The following ATP2A3 variants were observed in gnomAD, a reference collection of about 807,000 sequenced individuals.
ATP2A3 encodes sarcoplasmic/endoplasmic reticulum calcium ATPase 3.
Under a neutral mutation model 106.8 loss-of-function variants are expected in ATP2A3, and 61 were observed. That is an observed-to-expected ratio of 0.57 (90% CI 0.46 to 0.71). The LOEUF (loss-of-function observed/expected upper bound fraction) is 0.71. Among genes scored for constraint, ATP2A3 ranks in the 30% least tolerant of loss-of-function variants. ATP2A3 has a pLI of 0.00. For synonymous variants in ATP2A3, 611 were observed against 609.3 expected, an observed-to-expected ratio of 1.00 and a Z score of -0.04; for missense variants, 1,201 against 1,423.5, an observed-to-expected ratio of 0.84 and a Z score of 2.52.
In ATP2A3 at chr17:3,947,941, A is replaced by T; in HGVS notation, c.631-86T>A. ...TGACTCCTTCAGGCCGGAATAAGGC[A>T]CTTATCCTTCTACCCGGCTTTCCTT... is the stretch of plus-strand genomic sequence containing the variant. On this transcript the variant is annotated intron_variant, in intron 7 of 20. Coordinates refer to ENST00000397041, the MANE Select transcript of ATP2A3 (RefSeq NM_005173.4). The surrounding 1 kb of genome is among the most constrained non-coding windows in gnomAD (Gnocchi z 7.7). The T allele has an allele frequency of 7.5e-7, 1 of 1,328,530 alleles. No individual in the cohort carries two copies. Among genetic ancestry groups the T allele is most frequent in the South Asian group, 1.2e-5 (1 of 82,376 alleles). 82.3% of individuals were successfully genotyped at this position (1,328,530 alleles called of 1,614,324 possible). A position where few individuals can be genotyped will look rare whatever the true frequency, so the allele number is the denominator to read the frequency against.
chr17:3,947,320 G>T lies in ATP2A3; in HGVS notation c.1095+71C>A. ...TCCATCCCTCACTGAAAAGGAGGTG[G>T]GGGAGAGACCCAGAGAGGGAGCCCA... On this transcript the variant is annotated intron_variant, in intron 8 of 20. Coordinates refer to ENST00000397041, the MANE Select transcript of ATP2A3 (RefSeq NM_005173.4). The surrounding 1 kb of genome is among the most constrained non-coding windows in gnomAD (Gnocchi z 7.7). 1 of 1,555,962 alleles carries T rather than the reference G, an allele frequency of 6.4e-7. No homozygotes were observed.
At chr17:3,961,087 C>T (rs1040149116) in intron 1 of ATP2A3, among the ~76,000 whole-genome samples, 1 of 152,158 alleles carries the variant, frequency 6.6e-6, no homozygotes, top group South Asian at 2.1e-4. Context: ...AGCACTTATC[C>T]TCCTCCTGCT....
In ATP2A3 at chr17:3,953,138, C is replaced by G. The variant is rs983633121; in HGVS notation, c.219+209G>C. The stretch of plus-strand genomic sequence containing the variant: ...AGAGGATAAGATGGATTGGAGGGGT[C>G]AGGTGGGAGCCGGGGACCCAATGTA... On this transcript the variant is annotated intron_variant, in intron 3 of 20. Transcript: ENST00000397041. This position sits in a 1 kb window ranked among gnomAD's most constrained non-coding sequence, Gnocchi z 5.1. 19 of 615,570 alleles carry G rather than the reference C, an allele frequency of 3.1e-5. No homozygotes were observed. The Admixed American group carries it at 4.2e-4, about 14-fold the overall frequency. 38.1% of individuals were successfully genotyped at this position (615,570 alleles called of 1,614,324 possible).
rs145074847 is a variant in ATP2A3, at chr17:3,937,565, C to G, written c.2172G>C (p.Thr724=). 4.5e-5 allele frequency: 72 copies of G among 1,614,106 alleles called. No individual in the cohort carries two copies. In the South Asian group the frequency reaches 5.7e-4, roughly 13 times the overall value. The part of the protein sequence containing the change: ...AEIGIAMGSG[T]AVAKSAAEMV... ...TCTCTGCCGCCGACTTGGCCACGGC[C>G]GTGCCTGAGCCCATGGCGATGCCGA... is the stretch of plus-strand genomic sequence containing the variant. The change falls in exon 15 of 21, where the codon ACG becomes ACC. Residue 724 remains threonine, a synonymous_variant. Coordinates refer to ENST00000397041, the MANE Select transcript of ATP2A3 (RefSeq NM_005173.4).
chr17:3,930,865 C>T lies in ATP2A3; in HGVS notation c.2611-431G>A. On this transcript the variant is annotated intron_variant, in intron 17 of 20. Transcript: ENST00000397041. This position sits in a 1 kb window ranked among gnomAD's most constrained non-coding sequence, Gnocchi z 5.4. Reference sequence around the variant, plus strand: ...TTCACTGTTATTAAGATTCCATTTACAGCTGGGCGTGGTGGCTCATGCCTG... The same window carrying T: ...TTCACTGTTATTAAGATTCCATTTATAGCTGGGCGTGGTGGCTCATGCCTG... The T allele has an allele frequency of 6.6e-6, 2 of 302,772 alleles. No homozygotes were observed. The highest frequency in any genetic ancestry group is 4.5e-5 in the Admixed American group (1 of 22,234). 18.8% of individuals were successfully genotyped at this position (302,772 alleles called of 1,614,324 possible). A position where few individuals can be genotyped will look rare whatever the true frequency, so the allele number is the denominator to read the frequency against.
rs370907652 is a variant in ATP2A3, at chr17:3,936,352, G to A, written c.2439C>T (p.Asp813=). ...PATALGFNPP[D]LDIMEKLPRS... ...GGGGCAGCTTCTCCATGATGTCCAG[G>A]TCTGGCGGGTTGAAGCCCAGAGCCG... The change falls in exon 16 of 21, where the codon GAC becomes GAT. Residue 813 remains aspartate (D), a synonymous_variant. Transcript: ENST00000397041. This position sits in a 1 kb window ranked among gnomAD's most constrained non-coding sequence, Gnocchi z 5.4. The A allele has an allele frequency of 1.2e-6, 2 of 1,614,126 alleles. No individual in the cohort carries two copies. The highest frequency in any genetic ancestry group is 1.7e-6 in the Non-Finnish European group (2 of 1,180,036).
At position 3,928,398 on chromosome 17, in the gene ATP2A3, G is replaced by C. The variant is rs987522398; in HGVS notation, c.2980+265C>G. The C allele has an allele frequency of 2.1e-6, 3 of 1,437,670 alleles. No homozygotes were observed. The highest frequency in any genetic ancestry group is 2.9e-6 in the Non-Finnish European group (3 of 1,035,672). 89.1% of individuals were successfully genotyped at this position (1,437,670 alleles called of 1,614,324 possible). A position where few individuals can be genotyped will look rare whatever the true frequency, so the allele number is the denominator to read the frequency against. On this transcript the variant is annotated intron_variant, in intron 20 of 20. Coordinates refer to ENST00000397041, the MANE Select transcript of ATP2A3 (RefSeq NM_005173.4). This position sits in a 1 kb window ranked among gnomAD's most constrained non-coding sequence, Gnocchi z 6.1. The stretch of plus-strand genomic sequence containing the variant: ...TGCCCTGGCCATGTAGGGGGTGGCA[G>C]GTGAAGACAGTGAGGCAGTGTGGCC...
At position 3,953,423 on chromosome 17, in the gene ATP2A3, G is replaced by A. The variant is rs2054570656; in HGVS notation, c.143C>T (p.Ser48Phe). The A allele has an allele frequency of 6.2e-7, 1 of 1,613,972 alleles. No homozygotes were observed. The highest frequency in any genetic ancestry group is 1.7e-5 in the Admixed American group (1 of 60,028). Reference sequence around the variant, plus strand: ...CTGTTCCAGCACCAGCTCCCACAGGGACTTCCCTGGGAACGGGGGTCATGT... The same window carrying A: ...CTGTTCCAGCACCAGCTCCCACAGGAACTTCCCTGGGAACGGGGGTCATGT... ...PNELPSEEGK[S>F]LWELVLEQFE... is the part of the protein sequence containing the mutation. Residue 48 changes from serine to phenylalanine, a missense_variant, in exon 3 of 21, where the codon TCC becomes TTC. Physicochemically the swap from Ser to Phe is radical, Grantham distance 155. Coordinates refer to ENST00000397041, the MANE Select transcript of ATP2A3 (RefSeq NM_005173.4). This position sits in a 1 kb window ranked among gnomAD's most constrained non-coding sequence, Gnocchi z 5.1.
intron 7 of ATP2A3, among the ~76,000 whole-genome samples, chr17:3,949,936 C>T (rs1015002656): frequency 2.6e-5 from 4 of 151,894 alleles, no homozygotes; most frequent in South Asian, 2.1e-4. Flanking sequence ...CCAAGGTGGG[C>T]GGATCACTTG....
At chr17:3,939,786 T>TTAAAAAA (rs1555558101) in intron 14 of ATP2A3, among the ~76,000 whole-genome samples, 1,478 of 50,488 alleles carry the variant, frequency 0.029, 161 homozygotes, top group Non-Finnish European at 0.045. Flanking sequence ...AGACTCTGTC[T>TTAAAAAA]AAAAAAAAAA....
intron 17 of ATP2A3, among the ~76,000 whole-genome samples, chr17:3,934,601 G>A (rs2053317648): frequency 6.8e-6 from 1 of 147,092 alleles, no homozygotes; most frequent in Admixed American, 7.0e-5. Flanking sequence ...TTGGCACACT[G>A]CAACCGCTGC....
rs1022582066 is a variant in ATP2A3 at position 3,955,706 on chromosome 17, G to A, written c.119-1996C>T. The stretch of plus-strand genomic sequence containing the variant: ...GGCTTGTGCTGGGCTCTTCCCGGGG[G>A]ATGCCTGTAACCCTCACCTTTCTTT... On this transcript the variant is annotated intron_variant, in intron 1 of 20. Transcript: ENST00000397041. The surrounding 1 kb of genome is among the most constrained non-coding windows in gnomAD (Gnocchi z 4.2). 2.0e-5 allele frequency among the ~76,000 whole-genome samples: 3 copies of A among 152,198 alleles called. No homozygotes were observed. The South Asian group carries it at 6.2e-4, about 32-fold the overall frequency.
Position 3,941,035 on chromosome 17 carries a change from ACGCGGGCG to A in ATP2A3, c.2028_2035del (p.Ala677GlyfsTer16). On this transcript the variant is annotated frameshift_variant, in exon 14 of 21. Coordinates refer to ENST00000397041, the MANE Select transcript of ATP2A3 (RefSeq NM_005173.4). LOFTEE classifies it high-confidence loss of function. ...GATGCGGGACTTGTGTGCGGGCTCC[ACGCGGGCG>A]AAGCAGCGGGCGGTGCGGCAGGCCT... The A allele has an allele frequency of 6.2e-7, 1 of 1,613,866 alleles. No homozygotes were observed. The highest frequency in any genetic ancestry group is 8.5e-7 in the Non-Finnish European group (1 of 1,179,792).
chr17:3,951,546 G>GCCCCCCCCCCCGGCCCCCC, intron 4 of ATP2A3, 35 bp downstream of exon 4: 7 of 1,319,562 alleles, frequency 5.3e-6, no homozygotes, highest in Admixed American at 4.1e-5. Context: ...CTGGGAGACC[G>GCCCCCCCCCCCGGCCCCCC]CCCCCCGCCC....
Position 3,964,240 on chromosome 17 carries a change from C to A in ATP2A3, c.52G>T (p.Val18Leu). Residue 18 changes from valine (V) to leucine (L), a missense_variant, in exon 1 of 21, where the codon GTG (valine) becomes TTG (leucine). Val to Leu is a conservative substitution (Grantham distance 32, BLOSUM62 1). This residue lies in a region of ATP2A3 where 266 missense variants were observed against 246.8 expected (regional missense o/e 1.08). Coordinates refer to ENST00000397041, the MANE Select transcript of ATP2A3 (RefSeq NM_005173.4). ...PAADVLRHFSVTAEGGLSPAQ... is the reference protein window; with the variant it reads ...PAADVLRHFSLTAEGGLSPAQ... ...GGGCTCAGGCCGCCCTCGGCTGTCA[C>A]CGAGAAGTGGCGCAGCACGTCGGCG... 1 of 1,285,850 alleles carries A rather than the reference C, an allele frequency of 7.8e-7. No individual in the cohort carries two copies. Among genetic ancestry groups the A allele is most frequent in the Non-Finnish European group, 1.0e-6 (1 of 1,004,724 alleles). The allele number at this position is 1,285,850 out of a possible 1,614,324, so 79.7% of individuals were successfully genotyped here. A position where few individuals can be genotyped will look rare whatever the true frequency, so the allele number is the denominator to read the frequency against.
In ATP2A3 at chr17:3,953,782, G is replaced by C; in HGVS notation, c.119-72C>G. The C allele has an allele frequency of 6.6e-7, 1 of 1,517,244 alleles. No homozygotes were observed. The highest frequency in any genetic ancestry group is 9.0e-7 in the Non-Finnish European group (1 of 1,116,030). 94.0% of individuals were successfully genotyped at this position (1,517,244 alleles called of 1,614,324 possible). ...AGTGGGTCACGCAGGGGCCTCGGGG[G>C]AGTCTGGCAGTGCCTCCCCACCGTG... is the stretch of plus-strand genomic sequence containing the variant. On this transcript the variant is annotated intron_variant, in intron 1 of 20. Coordinates refer to ENST00000397041, the MANE Select transcript of ATP2A3 (RefSeq NM_005173.4). This position sits in a 1 kb window ranked among gnomAD's most constrained non-coding sequence, Gnocchi z 5.1.
At position 3,936,434 on chromosome 17, in the gene ATP2A3, GC is replaced by G; in HGVS notation, c.2356del (p.Ala786ProfsTer2). 6.2e-7 allele frequency: 1 copy of G among 1,614,142 alleles called. No individual in the cohort carries two copies. Among genetic ancestry groups the G allele is most frequent in the Non-Finnish European group, 8.5e-7 (1 of 1,180,042 alleles). On this transcript the variant is annotated frameshift_variant, in exon 16 of 21. Transcript: ENST00000397041. LOFTEE classifies it high-confidence loss of function. The surrounding 1 kb of genome is among the most constrained non-coding windows in gnomAD (Gnocchi z 5.4). ...FLTAILGLPE[A>X]LIPVQLLWVN... ...CCAGAGCAGCTGCACAGGGATCAGG[GC>G]TTCGGGCAGGCCCAGAATTGCCGTG...
Position 3,930,277 on chromosome 17 carries a change from C to T in ATP2A3, c.2744+24G>A, listed in dbSNP as rs376994562. On this transcript the variant is annotated intron_variant, in intron 18 of 20. Transcript: ENST00000397041. This position sits in a 1 kb window ranked among gnomAD's most constrained non-coding sequence, Gnocchi z 5.4. ...CTCAGCCCCCACTCCTCGGCCCCAG[C>T]TCCAGGCCCTGCGCCCAGCCTACCT... is the stretch of plus-strand genomic sequence containing the variant. 139 of 1,552,440 alleles carry T rather than the reference C, an allele frequency of 9.0e-5. 1 individual carries two copies. The highest frequency in any genetic ancestry group is 1.4e-5 in the African/African-American group (1 of 73,452).
At chr17:3,940,420 G>T (rs939619251) in intron 14 of ATP2A3, among the ~76,000 whole-genome samples, 1 of 152,200 alleles carries the variant, frequency 6.6e-6, no homozygotes, top group Non-Finnish European at 1.5e-5. Flanking sequence ...TGGCTGCATG[G>T]ACAGGTATGT....
Sources: gnomAD v4.1 joint callset for allele counts (sites outside exome capture counted in the v4.1 genomes callset) on GRCh38, gnomAD v4.1.1 for gene constraint, gnomAD v4.1.1 regional missense constraint, Gnocchi (gnomAD v3.1) non-coding constraint, MANE v1.5 for transcripts, NCBI Gene and HGNC (gene_info 2026-07-23, HGNC 2026-07-21) for gene names.